Variants in CCDC186 observed in about 807,000 individuals in gnomAD.
CCDC186 encodes coiled-coil domain-containing protein 186.
A neutral mutation model predicts 113.7 loss-of-function variants in CCDC186; 49 were observed. The observed-to-expected ratio is 0.43, with a 90% CI of 0.34 to 0.55. The LOEUF (loss-of-function observed/expected upper bound fraction) is 0.55, where lower values mean the gene tolerates loss of function less well. Ranked by LOEUF, CCDC186 falls within the 20% of genes least tolerant of loss-of-function variation. The probability of loss-of-function intolerance (pLI) is 0.02; values close to 1 mark genes in which losing one functional copy is unlikely to be tolerated. For synonymous variants in CCDC186, 355 were observed against 345.8 expected, an observed-to-expected ratio of 1.03 and a Z score of -0.30; for missense variants, 890 against 1,011.1, an observed-to-expected ratio of 0.88 and a Z score of 1.62.
chr10:114,129,562 A>T (rs1411191196), intron 13 of CCDC186, among the ~76,000 whole-genome samples: 1 of 152,118 alleles, frequency 6.6e-6, no homozygotes, highest in Non-Finnish European at 1.5e-5. Context: ...TTTGAGACAG[A>T]GTCTTGCTCT....
At chr10:114,171,320 GAGGCC>G (rs2032487616) in intron 1 of CCDC186, among the ~76,000 whole-genome samples, 1 of 151,982 alleles carries the variant, frequency 6.6e-6, no homozygotes. Flanking sequence ...AGGATCAAAT[GAGGCC>G]AGGAATTAAG....
intron 3 of CCDC186, 46 bp from the exon 4 acceptor site, chr10:114,151,266 T>C (rs1026044728): frequency 3.8e-6 from 5 of 1,305,776 alleles, no homozygotes; most frequent in Non-Finnish European, 5.4e-6. Flanking sequence ...CTATACCAAA[T>C]ACACCACCAA....
intron 1 of CCDC186, 74 bp downstream of exon 1, chr10:114,173,941 G>GCTTC (rs1208705640): frequency 4.4e-6 from 2 of 452,958 alleles, no homozygotes; most frequent in Non-Finnish European, 9.0e-6. Context: ...GCAGGAAGGA[G>GCTTC]CGGAAGGCTG....
chr10:114,170,608 G>A, intron 1 of CCDC186, among the ~76,000 whole-genome samples: 1 of 152,148 alleles, frequency 6.6e-6, no homozygotes, highest in East Asian at 1.9e-4. Context: ...ACAGATGTGA[G>A]CCACCATGGT....
intron 3 of CCDC186, among the ~76,000 whole-genome samples, chr10:114,157,144 T>G (rs543827334): frequency 9.2e-5 from 14 of 151,906 alleles, no homozygotes; most frequent in African/African-American, 2.9e-4. Flanking sequence ...ATGATTTACC[T>G]TATAGAACTC....
At chr10:114,133,181 G>C (rs1439267107) in intron 10 of CCDC186, among the ~76,000 whole-genome samples, 1 of 152,192 alleles carries the variant, frequency 6.6e-6, no homozygotes, top group Non-Finnish European at 1.5e-5. Flanking sequence ...CTAATAGCTT[G>C]GACTATGGTA....
chr10:114,155,686 TA>T (rs2031990842), intron 3 of CCDC186, among the ~76,000 whole-genome samples: 1 of 151,526 alleles, frequency 6.6e-6, no homozygotes, highest in African/African-American at 2.4e-5. Flanking sequence ...AAAGATAAAA[TA>T]AAATAAAATA....
At position 114,163,217 on chromosome 10, in the gene CCDC186, T is replaced by C; in HGVS notation, c.52A>G (p.Lys18Glu). 6.2e-7 allele frequency: 1 copy of C among 1,613,650 alleles called. No individual in the cohort carries two copies. The highest frequency in any genetic ancestry group is 8.5e-7 in the Non-Finnish European group (1 of 1,180,000). The change falls in exon 2 of 16, where the codon AAA becomes GAA. Residue 18 changes from lysine to glutamate, a missense_variant. Coordinates refer to ENST00000369287, the MANE Select transcript of CCDC186 (RefSeq NM_018017.4). ...ASTSSDKNVG[K>E]TPELKEDSCN... ...GAGTCTTCCTTTAATTCAGGTGTTTTCCCAACATTTTTATCAGAGGAAGTA... is the reference window on the plus strand; with the variant it reads ...GAGTCTTCCTTTAATTCAGGTGTTTCCCCAACATTTTTATCAGAGGAAGTA...
chr10:114,146,447 C>T (rs2031643524), intron 4 of CCDC186, among the ~76,000 whole-genome samples: 1 of 152,166 alleles, frequency 6.6e-6, no homozygotes, highest in Non-Finnish European at 1.5e-5. Flanking sequence ...TTTCTAAAAT[C>T]TTAACTCCCT....
chr10:114,139,976 T>A (rs2031413722), intron 6 of CCDC186, among the ~76,000 whole-genome samples: 1 of 152,242 alleles, frequency 6.6e-6, no homozygotes, highest in Non-Finnish European at 1.5e-5. Flanking sequence ...TCACATTAAA[T>A]GTTTTGGTTA....
rs1342217080 is a variant in CCDC186 at position 114,122,196 on chromosome 10, G to T, written c.*2947C>A. The T allele has an allele frequency of 1.3e-5, 2 of 152,108 alleles. No homozygotes were observed. The highest frequency in any genetic ancestry group is 2.9e-5 in the Non-Finnish European group (2 of 68,046). The allele number at this position is 152,108 out of a possible 1,614,324, so 9.4% of individuals were successfully genotyped here. A position where few individuals can be genotyped will look rare whatever the true frequency, so the allele number is the denominator to read the frequency against. On this transcript the variant is annotated 3_prime_UTR_variant, in exon 16 of 16. Transcript: ENST00000369287. ...TAGTATAAATACAATACCCTGTATGGTGCCAATACAATAGTATAGGTTTTC... is the reference window on the plus strand; with the variant it reads ...TAGTATAAATACAATACCCTGTATGTTGCCAATACAATAGTATAGGTTTTC...
chr10:114,169,423 T>C (rs1278537709), intron 1 of CCDC186, among the ~76,000 whole-genome samples: 4 of 151,900 alleles, frequency 2.6e-5, no homozygotes, highest in Non-Finnish European at 4.4e-5. Context: ...TTTGTATTTT[T>C]AGTAAAGATG....
intron 1 of CCDC186, among the ~76,000 whole-genome samples, chr10:114,164,057 CAAGTTA>C (rs1395451791): frequency 1.6e-5 from 2 of 125,314 alleles, no homozygotes; most frequent in African/African-American, 3.1e-5. Context: ...TTAATTTGAC[CAAGTTA>C]GAGTGTGTGT....
Position 114,121,158 on chromosome 10 carries a change from T to C in CCDC186, c.*3985A>G, listed in dbSNP as rs2030709647. The C allele has an allele frequency of 6.6e-6, 1 of 152,236 alleles. No individual in the cohort carries two copies. Among genetic ancestry groups the C allele is most frequent in the Non-Finnish European group, 1.5e-5 (1 of 68,036 alleles). The allele number at this position is 152,236 out of a possible 1,614,324, so 9.4% of individuals were successfully genotyped here. ...TTATTTTCCTAAAAATTCTCCATGT[T>C]TAGATTACCTTTTCAATTTTTCTTT... On this transcript the variant is annotated 3_prime_UTR_variant, in exon 16 of 16. Transcript: ENST00000369287.
rs552127440 is a variant in CCDC186 at position 114,167,515 on chromosome 10, A to G, written c.-61-4186T>C. On this transcript the variant is annotated intron_variant, in intron 1 of 15. Coordinates refer to ENST00000369287, the MANE Select transcript of CCDC186 (RefSeq NM_018017.4). ...TGTAGGCCTCCAGTTGACAATACTGATACAAGCCAATTTGGTTGCTGTCCA... is the reference window on the plus strand; with the variant it reads ...TGTAGGCCTCCAGTTGACAATACTGGTACAAGCCAATTTGGTTGCTGTCCA... Among the ~76,000 whole-genome samples the G allele has an allele frequency of 7.2e-4, 109 of 152,258 alleles. 4 individuals carry two copies. In the South Asian group the frequency reaches 0.017, roughly 23 times the overall value.
intron 1 of CCDC186, among the ~76,000 whole-genome samples, chr10:114,166,336 A>G (rs910085317): frequency 6.6e-6 from 1 of 152,158 alleles, no homozygotes; most frequent in Non-Finnish European, 1.5e-5. Flanking sequence ...TCTCAACTAG[A>G]ATGTTCTTCC....
chr10:114,147,521 T>C (rs974073756), intron 4 of CCDC186, among the ~76,000 whole-genome samples: 2 of 152,126 alleles, frequency 1.3e-5, no homozygotes, highest in African/African-American at 4.8e-5. Context: ...GCATGACACA[T>C]TTAGGAGATA....
At chr10:114,173,668 T>C (rs2032594078) in intron 1 of CCDC186, among the ~76,000 whole-genome samples, 1 of 152,148 alleles carries the variant, frequency 6.6e-6, no homozygotes, top group African/African-American at 2.4e-5. Flanking sequence ...CTCGAGCAGG[T>C]AGGGCTTGGC....
chr10:114,138,925 A>G (rs2031369045), intron 6 of CCDC186, among the ~76,000 whole-genome samples: 1 of 152,160 alleles, frequency 6.6e-6, no homozygotes, highest in Non-Finnish European at 1.5e-5. Flanking sequence ...ATCTCCTCTC[A>G]GTAGCTTCCC....
Sources: gnomAD v4.1 joint callset for allele counts (sites outside exome capture counted in the v4.1 genomes callset) on GRCh38, gnomAD v4.1.1 for gene constraint, MANE v1.5 for transcripts, NCBI Gene and HGNC (gene_info 2026-07-23, HGNC 2026-07-21) for gene names.